The following PCLO variants were observed in gnomAD, a reference collection of about 807,000 sequenced individuals.
The protein encoded by PCLO is piccolo presynaptic cytomatrix protein, also known as protein piccolo.
PCLO carries 82 observed loss-of-function variants against 427.5 expected under a neutral mutation model. That is an observed-to-expected ratio of 0.19 (90% CI 0.16 to 0.23). The LOEUF (loss-of-function observed/expected upper bound fraction) is 0.23. Among genes scored for constraint, PCLO ranks in the 10% least tolerant of loss-of-function variants. The probability of loss-of-function intolerance (pLI) is 1.00; values close to 1 mark genes in which losing one functional copy is unlikely to be tolerated. For missense variants in PCLO, 6,239 were observed against 6,115.9 expected (o/e 1.02, Z -0.67); for synonymous variants, 2,357 against 2,155.4 (o/e 1.09, Z -2.59).
chr7:83,050,712 C>A (rs1224897228), intron 3 of PCLO, among the ~76,000 whole-genome samples: 1 of 149,734 alleles, frequency 6.7e-6, no homozygotes. Context: ...AACAGCCTGG[C>A]CAACAGGGTA....
At chr7:82,920,411 GA>G (rs1005726808) in intron 6 of PCLO, among the ~76,000 whole-genome samples, 3 of 149,010 alleles carry the variant, frequency 2.0e-5, no homozygotes, top group African/African-American at 4.9e-5. Flanking sequence ...CTTTAATCTA[GA>G]AAAAAAAATT....
At chr7:82,862,963 ATAACT>A (rs1215967218) in intron 10 of PCLO, among the ~76,000 whole-genome samples, 1 of 152,022 alleles carries the variant, frequency 6.6e-6, no homozygotes. Flanking sequence ...ATAGTCAATA[ATAACT>A]TAATTGTACA....
At chr7:83,048,902 C>T (rs926730751) in intron 3 of PCLO, among the ~76,000 whole-genome samples, 29 of 152,136 alleles carry the variant, frequency 1.9e-4, no homozygotes, top group Admixed American at 1.8e-3. Context: ...ATGCACTTTA[C>T]CTATATTTGT....
At chr7:82,822,243 G>C in intron 20 of PCLO, 1 of 1,349,026 alleles carries the variant, frequency 7.4e-7, no homozygotes, top group South Asian at 1.6e-5. Flanking sequence ...CAAATGCTAT[G>C]AGCCAGGTTG....
chr7:82,891,242 T>C (rs1379626879), intron 9 of PCLO, among the ~76,000 whole-genome samples: 3 of 152,110 alleles, frequency 2.0e-5, no homozygotes, highest in Non-Finnish European at 2.9e-5. Context: ...TTTTGTCTTT[T>C]TTAAAAGCTG....
At chr7:82,875,664 G>C (rs1793352011) in intron 10 of PCLO, among the ~76,000 whole-genome samples, 1 of 152,132 alleles carries the variant, frequency 6.6e-6, no homozygotes, top group South Asian at 2.1e-4. Flanking sequence ...TGCTGCAAAA[G>C]TGTTAAAATG....
intron 20 of PCLO, among the ~76,000 whole-genome samples, chr7:82,813,246 T>G (rs1177546615): frequency 2.0e-5 from 3 of 151,796 alleles, no homozygotes; most frequent in Admixed American, 6.6e-5. Flanking sequence ...AGACCTAACC[T>G]CTCTAGCTAA....
At chr7:82,996,268 G>T (rs1373010171) in intron 3 of PCLO, among the ~76,000 whole-genome samples, 1 of 151,504 alleles carries the variant, frequency 6.6e-6, no homozygotes, top group Non-Finnish European at 1.5e-5. Flanking sequence ...AGTACTCTTG[G>T]GTATTTTCTA....
intron 3 of PCLO, among the ~76,000 whole-genome samples, chr7:82,973,134 A>G (rs114649078): frequency 0.011 from 1,705 of 152,216 alleles, 34 homozygotes; most frequent in African/African-American, 0.038. Context: ...TCAGACTACA[A>G]GATCAGGACA....
At chr7:82,765,755 A>C (rs1307224211) in intron 22 of PCLO, among the ~76,000 whole-genome samples, 8 of 152,076 alleles carry the variant, frequency 5.3e-5, no homozygotes, top group Non-Finnish European at 1.2e-4. Context: ...CATTTTAAAT[A>C]ATCATAAACA....
At chr7:83,092,713 G>C (rs931963666) in intron 3 of PCLO, among the ~76,000 whole-genome samples, 28 of 152,008 alleles carry the variant, frequency 1.8e-4, no homozygotes, top group Admixed American at 7.2e-4. Flanking sequence ...ACTTTGAGAG[G>C]CCGAGGCAGG....
chr7:82,864,949 C>A (rs1793055754), intron 10 of PCLO, among the ~76,000 whole-genome samples: 1 of 152,170 alleles, frequency 6.6e-6, no homozygotes, highest in East Asian at 1.9e-4. Context: ...TACTTAAATT[C>A]ATTTTTTCCA....
intron 16 of PCLO, among the ~76,000 whole-genome samples, chr7:82,832,464 C>A (rs1387300925): frequency 6.6e-6 from 1 of 151,738 alleles, no homozygotes; most frequent in African/African-American, 2.4e-5. Context: ...CATGTTAGCC[C>A]GGATGGTCTT....
intron 3 of PCLO, among the ~76,000 whole-genome samples, chr7:83,060,505 T>A (rs1789517264): frequency 6.6e-6 from 1 of 152,178 alleles, no homozygotes; most frequent in Admixed American, 6.5e-5. Flanking sequence ...TCAGCACTTC[T>A]CTCAGTTTGA....
intron 22 of PCLO, among the ~76,000 whole-genome samples, chr7:82,777,509 T>C (rs1201781949): frequency 6.6e-6 from 1 of 152,128 alleles, no homozygotes; most frequent in Non-Finnish European, 1.5e-5. Flanking sequence ...ACCTATACTG[T>C]GGGGCTATAG....
rs71531190 is a variant in PCLO, at chr7:82,940,755, C to CTTTTT, written c.11112+8716_11112+8720dup. Among the ~76,000 whole-genome samples, 373 of 109,118 alleles carry CTTTTT rather than the reference C, an allele frequency of 3.4e-3. 1 individual carries two copies. Among genetic ancestry groups the CTTTTT allele is most frequent in the Middle Eastern group, 6.3e-3 (1 of 160 alleles). 71.6% of individuals were successfully genotyped at this position (109,118 alleles called of 152,430 possible). On this transcript the variant is annotated intron_variant, in intron 6 of 24. Coordinates refer to ENST00000333891, the MANE Select transcript of PCLO (RefSeq NM_033026.6). The stretch of plus-strand genomic sequence containing the variant: ...ATCTGCATTAATTATTTTTTTCTTT[C>CTTTTT]TTTTTTTTTTTTTTTTTTTTTTTCT...
chr7:82,777,216 A>C (rs2129467990), intron 22 of PCLO, among the ~76,000 whole-genome samples: 1 of 152,234 alleles, frequency 6.6e-6, no homozygotes, highest in South Asian at 2.1e-4. Flanking sequence ...AGCTATCTAC[A>C]ATGAGAATTA....
chr7:82,809,629 TCTTTC>T (rs1791527986), intron 20 of PCLO, among the ~76,000 whole-genome samples: 1 of 140,340 alleles, frequency 7.1e-6, no homozygotes, highest in Non-Finnish European at 1.6e-5. Flanking sequence ...CATTAATACT[TCTTTC>T]CTTTAACCAA....
chr7:82,780,152 A>C (rs912719859), intron 22 of PCLO, among the ~76,000 whole-genome samples: 2 of 152,152 alleles, frequency 1.3e-5, no homozygotes, highest in African/African-American at 2.4e-5. Flanking sequence ...AAACCGGTTT[A>C]TGTGAATAGT....
Sources: allele counts gnomAD v4.1 joint callset (sites outside exome capture counted in the v4.1 genomes callset), GRCh38; gene constraint gnomAD v4.1.1; transcripts MANE v1.5; gene names NCBI Gene and HGNC (gene_info 2026-07-23, HGNC 2026-07-21).